CCDC73: variants seen among roughly 807,000 people sequenced by gnomAD.
CCDC73 encodes coiled-coil domain-containing protein 73.
Under a neutral mutation model 116.5 loss-of-function variants are expected in CCDC73, and 95 were observed. The observed-to-expected ratio is 0.82, with a 90% CI of 0.69 to 0.97. The LOEUF is 0.97. Ranked by LOEUF, CCDC73 falls within the 50% of genes least tolerant of loss-of-function variation. The pLI, the probability that CCDC73 is intolerant of heterozygous loss-of-function variation, is 0.00. For missense variants in CCDC73, 1,066 were observed against 1,206.8 expected (o/e 0.88, Z 1.73); for synonymous variants, 398 against 401.3 (o/e 0.99, Z 0.10).
intron 2 of CCDC73, among the ~76,000 whole-genome samples, chr11:32,751,842 T>C (rs1479321923): frequency 6.6e-6 from 1 of 152,240 alleles, no homozygotes; most frequent in Non-Finnish European, 1.5e-5. Flanking sequence ...AATCTTCTAT[T>C]TGGCCATCTT....
intron 9 of CCDC73, among the ~76,000 whole-genome samples, chr11:32,673,281 T>C (rs1856055922): frequency 6.6e-6 from 1 of 152,130 alleles, no homozygotes; most frequent in African/African-American, 2.4e-5. Context: ...CTAGTGAGGA[T>C]GTGATAGTGG....
chr11:32,784,165 A>G (rs1045677455), intron 1 of CCDC73, among the ~76,000 whole-genome samples: 4 of 152,162 alleles, frequency 2.6e-5, no homozygotes, highest in Admixed American at 2.0e-4. Context: ...CCCCGTCTCT[A>G]CTAAAAGATA....
the CCDC73 span, among the ~76,000 whole-genome samples, chr11:32,811,068 C>T: frequency 3.1e-5 from 1 of 31,952 alleles, no homozygotes; most frequent in African/African-American, 3.3e-4. Flanking sequence ...CTCAAAACAA[C>T]AACAACAACA....
At chr11:32,731,906 G>A (rs562025578) in intron 2 of CCDC73, among the ~76,000 whole-genome samples, 173 of 152,302 alleles carry the variant, frequency 1.1e-3, no homozygotes, top group Non-Finnish European at 2.2e-3. Context: ...AAAGCTGGAC[G>A]GAGAATGACT....
At chr11:32,758,466 T>G (rs1427483392) in intron 2 of CCDC73, 2 of 461,384 alleles carry the variant, frequency 4.3e-6, no homozygotes, top group Non-Finnish European at 8.6e-6. Flanking sequence ...TCTTATGAGG[T>G]TATCTTGAAA....
the CCDC73 span, among the ~76,000 whole-genome samples, chr11:32,804,037 C>T: frequency 3.9e-5 from 6 of 151,984 alleles, no homozygotes; most frequent in African/African-American, 1.2e-4. Flanking sequence ...CTCGAACTCC[C>T]GACCTCAAGT....
chr11:32,615,659 T>C (rs898284102), intron 15 of CCDC73, among the ~76,000 whole-genome samples: 20 of 152,148 alleles, frequency 1.3e-4, no homozygotes, highest in African/African-American at 4.3e-4. Flanking sequence ...CCAATCAGTA[T>C]CAGCTTTAAA....
At chr11:32,675,435 TTA>T (rs2133287116) in intron 9 of CCDC73, 128 bp downstream of exon 9, 1 of 552,466 alleles carries the variant, frequency 1.8e-6, no homozygotes, top group South Asian at 2.4e-5. Flanking sequence ...AACTCAAAAT[TTA>T]TGCATCTGTA....
chr11:32,645,504 T>C (rs1425473363), intron 12 of CCDC73, among the ~76,000 whole-genome samples: 1 of 152,186 alleles, frequency 6.6e-6, no homozygotes, highest in African/African-American at 2.4e-5. Context: ...TTGGTCAAGC[T>C]GGTTTTGAAC....
chr11:32,826,577 AT>A, the CCDC73 span, among the ~76,000 whole-genome samples: 2,031 of 141,570 alleles, frequency 0.014, 51 homozygotes, highest in African/African-American at 0.051. Flanking sequence ...CATTGCTCCA[AT>A]TTTTTTTCTT....
At chr11:32,667,990 T>G (rs531857849) in intron 9 of CCDC73, among the ~76,000 whole-genome samples, 1 of 152,328 alleles carries the variant, frequency 6.6e-6, no homozygotes, top group South Asian at 2.1e-4. Flanking sequence ...GTTGTATAAC[T>G]TTAGGCAACT....
At chr11:32,697,070 C>T (rs1382566641) in intron 6 of CCDC73, among the ~76,000 whole-genome samples, 2 of 151,650 alleles carry the variant, frequency 1.3e-5, no homozygotes, top group Admixed American at 1.3e-4. Flanking sequence ...CATGGGTTTA[C>T]ACAATCCTCC....
the CCDC73 span, among the ~76,000 whole-genome samples, chr11:32,813,999 C>T: frequency 6.6e-6 from 1 of 152,114 alleles, no homozygotes; most frequent in Non-Finnish European, 1.5e-5. Context: ...TGAATCTTTC[C>T]ATCCTTGAAC....
intron 2 of CCDC73, among the ~76,000 whole-genome samples, chr11:32,728,960 C>T (rs1850052722): frequency 6.6e-6 from 1 of 151,944 alleles, no homozygotes; most frequent in Non-Finnish European, 1.5e-5. Context: ...CCGCCTTGGC[C>T]TTCCAAAGTG....
intron 1 of CCDC73, among the ~76,000 whole-genome samples, chr11:32,769,384 G>A (rs1164078061): frequency 6.6e-6 from 1 of 152,134 alleles, no homozygotes; most frequent in African/African-American, 2.4e-5. Context: ...GCTGTCCACT[G>A]TGGTACAAGG....
At chr11:32,707,316 C>T (rs1428309636) in intron 3 of CCDC73, among the ~76,000 whole-genome samples, 2 of 151,706 alleles carry the variant, frequency 1.3e-5, no homozygotes, top group African/African-American at 4.8e-5. Context: ...ATAAAATAAA[C>T]ATTTTACCCA....
chr11:32,689,610 A>G (rs1223717408), intron 6 of CCDC73, among the ~76,000 whole-genome samples: 1 of 152,152 alleles, frequency 6.6e-6, no homozygotes, highest in Non-Finnish European at 1.5e-5. Context: ...AAAAGCACCA[A>G]ATAGAACATC....
At chr11:32,638,695 T>C (rs991803975) in intron 13 of CCDC73, among the ~76,000 whole-genome samples, 2 of 151,692 alleles carry the variant, frequency 1.3e-5, no homozygotes, top group African/African-American at 4.8e-5. Context: ...GCCAGGATGG[T>C]CTTGATCTCC....
At chr11:32,825,185 G>A in the CCDC73 span, among the ~76,000 whole-genome samples, 1 of 151,876 alleles carries the variant, frequency 6.6e-6, no homozygotes, top group African/African-American at 2.4e-5. Context: ...TTCACCAAAG[G>A]AGGATAAACA....
Sources: allele counts gnomAD v4.1 joint callset (sites outside exome capture counted in the v4.1 genomes callset), GRCh38; gene constraint gnomAD v4.1.1; transcripts MANE v1.5; gene names NCBI Gene and HGNC (gene_info 2026-07-23, HGNC 2026-07-21).